The following ARIH2 variants were observed in gnomAD, a reference collection of about 807,000 sequenced individuals.
The protein encoded by ARIH2 is E3 ubiquitin-protein ligase ARIH2.
In ARIH2, 12 loss-of-function variants were observed where a neutral mutation model predicts 79.8. That is an observed-to-expected ratio of 0.15 (90% confidence interval 0.10 to 0.24). The LOEUF (loss-of-function observed/expected upper bound fraction) is 0.24, where lower values mean the gene tolerates loss of function less well. Among genes scored for constraint, ARIH2 ranks in the 10% least tolerant of loss-of-function variants. The pLI is 1.00. For synonymous variants in ARIH2, 224 were observed against 213.9 expected, an observed-to-expected ratio of 1.05 and a Z score of -0.41; for missense variants, 301 against 618.3, an observed-to-expected ratio of 0.49 and a Z score of 5.44.
At chr3:48,924,783 G>A (rs1046108754) in intron 2 of ARIH2, 12 of 152,086 alleles carry the variant, frequency 7.9e-5, no homozygotes, top group Admixed American at 6.6e-4. Flanking sequence ...TGCAACCTCC[G>A]TCTCCCGAGT....
In ARIH2 at chr3:48,924,533, G is replaced by T. The variant is rs554043288; in HGVS notation, c.-98+1722G>T. 1.3e-4 allele frequency among the ~76,000 whole-genome samples: 20 copies of T among 151,458 alleles called. No individual in the cohort carries two copies. The East Asian group carries it at 1.7e-3, about 13-fold the overall frequency. On this transcript the variant is annotated intron_variant, in intron 2 of 15. Transcript: ENST00000356401. ...TATTTTATTTATTTGTTTATTTTTT[G>T]TGTGTGTGACAGTGTCTCACTCTTG...
intron 13 of ARIH2, 63 bp downstream of exon 13, chr3:48,980,559 C>T: frequency 6.4e-7 from 1 of 1,561,638 alleles, no homozygotes; most frequent in Admixed American, 1.9e-5. Context: ...GCACAGACCT[C>T]TGATAGTGGG....
rs779571004 is a variant in ARIH2 at position 48,934,823 on chromosome 3, C to T, written c.255+7010C>T. 1.1e-4 allele frequency: 107 copies of T among 985,284 alleles called. 1 individual carries two copies. The highest frequency in any genetic ancestry group is 1.3e-4 in the Non-Finnish European group (106 of 829,930). 61.0% of individuals were successfully genotyped at this position (985,284 alleles called of 1,614,324 possible). On this transcript the variant is annotated intron_variant, in intron 3 of 15. Transcript: ENST00000356401. ...GCTGTGTACCTGATACCATACAAAA[C>T]ATGCTCATCATCTTCCAGAAAAGAA...
At chr3:48,965,859 G>A (rs528479429) in intron 5 of ARIH2, among the ~76,000 whole-genome samples, 38 of 152,170 alleles carry the variant, frequency 2.5e-4, no homozygotes, top group African/African-American at 9.2e-4. Context: ...TACTTGGGAG[G>A]CTGAGGCAGG....
rs1400217845 is a variant in ARIH2, at chr3:48,984,886, C to G, written c.*1616C>G. The G allele has an allele frequency of 6.6e-6, 1 of 152,216 alleles. No individual in the cohort carries two copies. Among genetic ancestry groups the G allele is most frequent in the Non-Finnish European group, 1.5e-5 (1 of 68,084 alleles). 9.4% of individuals were successfully genotyped at this position (152,216 alleles called of 1,614,324 possible). A position where few individuals can be genotyped will look rare whatever the true frequency, so the allele number is the denominator to read the frequency against. ...TGAGGTCCATGGCTGGTTGCAGGTT[C>G]CCTTTTTCCTTCCTCAGGTTTTGTC... On this transcript the variant is annotated 3_prime_UTR_variant, in exon 16 of 16. Coordinates refer to ENST00000356401, the MANE Select transcript of ARIH2 (RefSeq NM_006321.4).
intron 11 of ARIH2, among the ~76,000 whole-genome samples, chr3:48,976,582 G>A (rs930449155): frequency 3.3e-5 from 5 of 152,154 alleles, no homozygotes; most frequent in Non-Finnish European, 7.3e-5. Flanking sequence ...AGTGCCAAAC[G>A]AAGATAGGCC....
rs374451466 is a variant in ARIH2 at position 48,936,200 on chromosome 3, C to CT, written c.255+8398dup. Among the ~76,000 whole-genome samples the CT allele has an allele frequency of 1.7e-3, 244 of 146,484 alleles. 2 individuals are homozygous for CT. The highest frequency in any genetic ancestry group is 4.7e-3 in the African/African-American group (188 of 40,208). On this transcript the variant is annotated intron_variant, in intron 3 of 15. Coordinates refer to ENST00000356401, the MANE Select transcript of ARIH2 (RefSeq NM_006321.4). ...TTTTGCCTTGCTCCAATCTAATTAT[C>CT]TTTTTTTTTTTCTTTGCCCTTGCTG...
chr3:48,946,334 G>A (rs2089139339), intron 3 of ARIH2, among the ~76,000 whole-genome samples: 1 of 151,904 alleles, frequency 6.6e-6, no homozygotes. Context: ...TAGGTTTCTA[G>A]GCCAGTGTAA....
intron 13 of ARIH2, among the ~76,000 whole-genome samples, chr3:48,981,073 T>C (rs1270557195): frequency 1.4e-5 from 2 of 141,172 alleles, no homozygotes; most frequent in Admixed American, 7.2e-5. Context: ...CTCACGCCTA[T>C]GATCCCAGCA....
chr3:48,936,846 T>G lies in ARIH2; in HGVS notation c.255+9033T>G, dbSNP rs570765133. Reference sequence around the variant, plus strand: ...AGATCGAGACCATCTGGCTAACACGTTGAAACCCTGTCTGTACTAAAAGTA... The same window carrying G: ...AGATCGAGACCATCTGGCTAACACGGTGAAACCCTGTCTGTACTAAAAGTA... On this transcript the variant is annotated intron_variant, in intron 3 of 15. Transcript: ENST00000356401. 2.9e-3 allele frequency among the ~76,000 whole-genome samples: 435 copies of G among 151,524 alleles called. 4 individuals are homozygous for G. Among genetic ancestry groups the G allele is most frequent in the African/African-American group, 0.01 (413 of 41,218 alleles).
rs576154742 is a variant in ARIH2, at chr3:48,932,335, G to A, written c.255+4522G>A. On this transcript the variant is annotated intron_variant, in intron 3 of 15. Coordinates refer to ENST00000356401, the MANE Select transcript of ARIH2 (RefSeq NM_006321.4). ...TGATTGCCAAGTGAGGTGTTGTGTT[G>A]TAGGAGGAGGGGATCTCTGGGGAAT... Among the ~76,000 whole-genome samples, 7 of 152,350 alleles carry A rather than the reference G, an allele frequency of 4.6e-5. No individual in the cohort carries two copies. The South Asian group carries it at 1.4e-3, about 32-fold the overall frequency.
At chr3:48,966,689 T>C (rs1273657797) in intron 5 of ARIH2, among the ~76,000 whole-genome samples, 1 of 152,202 alleles carries the variant, frequency 6.6e-6, no homozygotes, top group Non-Finnish European at 1.5e-5. Flanking sequence ...CATCCTCTAA[T>C]AACCTTTGTG....
At chr3:48,950,458 A>G (rs965471596) in intron 3 of ARIH2, among the ~76,000 whole-genome samples, 2 of 152,216 alleles carry the variant, frequency 1.3e-5, no homozygotes, top group Admixed American at 1.3e-4. Flanking sequence ...TTGAAGTCAG[A>G]TGGTGTAAGT....
intron 3 of ARIH2, among the ~76,000 whole-genome samples, chr3:48,951,917 A>T (rs888949978): frequency 6.6e-6 from 1 of 151,540 alleles, no homozygotes; most frequent in African/African-American, 2.4e-5. Flanking sequence ...TCTCTTTTTA[A>T]TTGTTACTAT....
intron 11 of ARIH2, among the ~76,000 whole-genome samples, chr3:48,978,609 G>A (rs1276367139): frequency 6.6e-6 from 1 of 150,660 alleles, no homozygotes; most frequent in African/African-American, 2.4e-5. Flanking sequence ...GTGAGCTACC[G>A]CAAAAGCAGA....
intron 3 of ARIH2, among the ~76,000 whole-genome samples, chr3:48,958,236 G>A (rs943205271): frequency 6.6e-6 from 1 of 152,062 alleles, no homozygotes; most frequent in African/African-American, 2.4e-5. Context: ...TGAGAGTATT[G>A]CTTGAACCCA....
At chr3:48,936,796 A>G (rs912962892) in intron 3 of ARIH2, among the ~76,000 whole-genome samples, 2 of 151,876 alleles carry the variant, frequency 1.3e-5, no homozygotes, top group Admixed American at 6.6e-5. Context: ...TTGAGAGGCC[A>G]AGGCGGGCGG....
At chr3:48,973,079 T>C (rs2092324575) in intron 8 of ARIH2, among the ~76,000 whole-genome samples, 1 of 152,246 alleles carries the variant, frequency 6.6e-6, no homozygotes, top group African/African-American at 2.4e-5. Flanking sequence ...GAAGAGACAT[T>C]CATGCAGTAT....
chr3:48,964,764 GA>G (rs904561469), intron 4 of ARIH2, among the ~76,000 whole-genome samples, 154 bp from the exon 5 acceptor site: 47 of 152,066 alleles, frequency 3.1e-4, no homozygotes, highest in Middle Eastern at 3.4e-3. Flanking sequence ...TCTGTCTTGA[GA>G]AAAAAAGTCT....
Sources: allele counts gnomAD v4.1 joint callset (sites outside exome capture counted in the v4.1 genomes callset), GRCh38; gene constraint gnomAD v4.1.1; transcripts MANE v1.5; gene names NCBI Gene and HGNC (gene_info 2026-07-23, HGNC 2026-07-21).